The following CLCN5 variants were observed in gnomAD, a reference collection of about 807,000 sequenced individuals.
CLCN5 encodes the protein Cl-/H+ antiporter 5.
A neutral mutation model predicts 54.0 loss-of-function variants in CLCN5; 17 were observed. The ratio of observed to expected loss-of-function variants is 0.31; its 90% CI spans 0.22 to 0.47. The LOEUF (loss-of-function observed/expected upper bound fraction) is 0.47. CLCN5 is among the 20% of genes least tolerant of loss of function. The pLI, the probability that CLCN5 is intolerant of heterozygous loss-of-function variation, is 1.00. For missense variants in CLCN5, 448 were observed against 646.7 expected, an observed-to-expected ratio of 0.69 and a Z score of 3.33; for synonymous variants, 222 against 233.0, an observed-to-expected ratio of 0.95 and a Z score of 0.43.
At chrX:49,985,728 T>C (rs1928963575) in intron 3 of CLCN5, among the ~76,000 whole-genome samples, 1 of 111,804 alleles carries the variant, frequency 8.9e-6, no homozygotes, top group Admixed American at 9.5e-5. Flanking sequence ...GTGACTAATA[T>C]CTTGCTCTTT....
chrX:49,949,214 T>C (rs1430767604), intron 3 of CLCN5, among the ~76,000 whole-genome samples: 2 of 112,320 alleles, frequency 1.8e-5, no homozygotes, highest in Non-Finnish European at 3.8e-5. Flanking sequence ...TTGTCACAAT[T>C]GTGGGGAGGT....
intron 3 of CLCN5, among the ~76,000 whole-genome samples, chrX:49,995,067 T>A (rs1557179480): frequency 9.0e-6 from 1 of 111,554 alleles, no homozygotes. Flanking sequence ...GGACCTAAAT[T>A]CAGATCAAGA....
At chrX:50,044,496 G>A (rs1368774404) in intron 4 of CLCN5, among the ~76,000 whole-genome samples, 1 of 111,954 alleles carries the variant, frequency 8.9e-6, no homozygotes. Flanking sequence ...ACCTGAGCAG[G>A]CTTAGTGTGA....
chrX:49,994,625 A>G (rs1337925277), intron 3 of CLCN5, among the ~76,000 whole-genome samples: 1 of 111,745 alleles, frequency 8.9e-6, no homozygotes, highest in Admixed American at 9.5e-5. Flanking sequence ...TTATAACACA[A>G]CCTGCAATAG....
chrX:50,077,759 T>A (rs1933488033), intron 7 of CLCN5, among the ~76,000 whole-genome samples: 1 of 75,643 alleles, frequency 1.3e-5, no homozygotes, highest in South Asian at 9.2e-4. Flanking sequence ...GTGGATCACC[T>A]GAGGTCAAGA....
chrX:49,946,086 C>T (rs1384059741), intron 3 of CLCN5, among the ~76,000 whole-genome samples: 2 of 111,886 alleles, frequency 1.8e-5, no homozygotes, highest in African/African-American at 6.5e-5. Flanking sequence ...CCTTCTATGC[C>T]TTTACTTAAA....
In CLCN5 at chrX:50,090,847, G is replaced by A. The variant is rs781962147; in HGVS notation, c.2321G>A (p.Arg774Gln). Residue 774 changes from arginine to glutamine, a missense_variant, in exon 14 of 15, where the codon CGA becomes CAA. This residue lies in a region of CLCN5 where 297 missense variants were observed against 470.4 expected (regional missense o/e 0.63). Transcript: ENST00000376091. ...ATGGAGATCGTAGTGGATATTTTCC[G>A]AAAGCTGGGACTGCGGCAGTGCCTG... ...TPMEIVVDIF[R>Q]KLGLRQCLVT... 8 of 1,211,264 alleles carry A rather than the reference G, an allele frequency of 6.6e-6. No individual in the cohort carries two copies. The highest frequency in any genetic ancestry group is 3.0e-5 in the East Asian group (1 of 33,834).
rs782282664 is a variant in CLCN5 at position 50,086,607 on chromosome X, G to A, written c.1294G>A (p.Val432Ile). 2.5e-6 allele frequency: 3 copies of A among 1,210,796 alleles called. No homozygotes were observed. The highest frequency in any genetic ancestry group is 1.8e-5 in the South Asian group (1 of 56,923). ...CAAGTATCCTGTTATAGAGGTACTC[G>A]TCGTGACAGCCATCACTGCCATCCT... ...LGKYPVIEVLVVTAITAILAF... is the reference protein window; with the variant it reads ...LGKYPVIEVLIVTAITAILAF... Residue 432 changes from valine to isoleucine, a missense_variant, in exon 11 of 15, where the codon GTC becomes ATC. Transcript: ENST00000376091.
intron 4 of CLCN5, among the ~76,000 whole-genome samples, chrX:50,048,227 C>T (rs1932460189): frequency 8.9e-6 from 1 of 112,546 alleles, no homozygotes; most frequent in African/African-American, 3.2e-5. Context: ...TCGTGCTCCT[C>T]TGAGAATCTA....
chrX:49,926,689 A>G (rs1925360400), intron 3 of CLCN5, among the ~76,000 whole-genome samples: 1 of 112,197 alleles, frequency 8.9e-6, no homozygotes. Context: ...AGGCCAGATA[A>G]TAAAGAGCCT....
intron 9 of CLCN5, among the ~76,000 whole-genome samples, chrX:50,084,770 T>G (rs1933830629): frequency 8.9e-6 from 1 of 112,144 alleles, no homozygotes; most frequent in South Asian, 3.7e-4. Flanking sequence ...AGCGGCAACC[T>G]TTTTTGTCTT....
chrX:50,086,763 G>A lies in CLCN5; in HGVS notation c.1450G>A (p.Glu484Lys). ...CCGTTTCAACACAAGCAAAGGGGGT[G>A]AACTGCCTGACAGACCGGCTGGCGT... ...ENRFNTSKGG[E>K]LPDRPAGVGV... is the part of the protein sequence containing the mutation. The change falls in exon 11 of 15, where the codon GAA becomes AAA. Residue 484 changes from glutamate (E) to lysine (K), a missense_variant. Coordinates refer to ENST00000376091, the MANE Select transcript of CLCN5 (RefSeq NM_001127898.4). The A allele has an allele frequency of 8.3e-7, 1 of 1,211,390 alleles. No homozygotes were observed.
intron 3 of CLCN5, among the ~76,000 whole-genome samples, chrX:50,032,290 G>A (rs1294653511): frequency 1.8e-5 from 2 of 111,076 alleles, no homozygotes; most frequent in South Asian, 3.8e-4. Flanking sequence ...CTGAGGAATC[G>A]CCACACTGAC....
intron 3 of CLCN5, among the ~76,000 whole-genome samples, chrX:50,018,501 A>C (rs1354004692): frequency 9.0e-6 from 1 of 111,403 alleles, no homozygotes; most frequent in Non-Finnish European, 1.9e-5. Flanking sequence ...ATGATGTTGA[A>C]ATGGGTTGGT....
In CLCN5 at chrX:50,096,731, T is replaced by C. The variant is rs1934273535; in HGVS notation, c.*4512T>C. 1 of 112,694 alleles carries C rather than the reference T, an allele frequency of 8.9e-6. No homozygotes were observed. The highest frequency in any genetic ancestry group is 4.2e-3 in the Middle Eastern group (1 of 240). 9.3% of individuals were successfully genotyped at this position (112,694 alleles called of 1,213,427 possible). On this transcript the variant is annotated 3_prime_UTR_variant, in exon 15 of 15. Coordinates refer to ENST00000376091, the MANE Select transcript of CLCN5 (RefSeq NM_001127898.4). ...AAGAAAATATTTGAATGGTGTAAGA[T>C]GGTGGAAGGAAAGCCATCCCACACC...
chrX:49,960,130 G>T (rs1020297342), intron 3 of CLCN5, among the ~76,000 whole-genome samples: 30 of 110,468 alleles, frequency 2.7e-4, no homozygotes, highest in African/African-American at 7.9e-4. Context: ...CACCCAGCAA[G>T]CATTTCTAAC....
intron 3 of CLCN5, among the ~76,000 whole-genome samples, chrX:50,040,439 T>C (rs1932172716): frequency 8.9e-6 from 1 of 112,330 alleles, no homozygotes; most frequent in Non-Finnish European, 1.9e-5. Flanking sequence ...TCATCATGTA[T>C]GCATGGTAGT....
At chrX:49,993,295 G>T (rs1001578567) in intron 3 of CLCN5, among the ~76,000 whole-genome samples, 1 of 112,026 alleles carries the variant, frequency 8.9e-6, no homozygotes, top group Non-Finnish European at 1.9e-5. Context: ...GGGGGAAAAA[G>T]CAGTTTTTCC....
At chrX:49,950,402 A>C (rs1926984006) in intron 3 of CLCN5, among the ~76,000 whole-genome samples, 1 of 111,731 alleles carries the variant, frequency 9.0e-6, no homozygotes, top group Non-Finnish European at 1.9e-5. Flanking sequence ...GGATTATGGT[A>C]GTTAATATTT....
Sources: gnomAD v4.1 joint callset for allele counts (sites outside exome capture counted in the v4.1 genomes callset) on GRCh38, gnomAD v4.1.1 for gene constraint, gnomAD v4.1.1 regional missense constraint, MANE v1.5 for transcripts, NCBI Gene and HGNC (gene_info 2026-07-23, HGNC 2026-07-21) for gene names.